LYST: variants seen among roughly 807,000 people sequenced by gnomAD.
The protein encoded by LYST is lysosomal trafficking regulator, also known as lysosomal-trafficking regulator.
Under a neutral mutation model 413.6 loss-of-function variants are expected in LYST, and 192 were observed. That is an observed-to-expected ratio of 0.46 (90% confidence interval 0.41 to 0.52). The LOEUF (loss-of-function observed/expected upper bound fraction) is 0.52. Ranked by LOEUF, LYST falls within the 20% of genes least tolerant of loss-of-function variation. The pLI is 0.00. For synonymous variants in LYST, 1,525 were observed against 1,567.3 expected, an observed-to-expected ratio of 0.97 and a Z score of 0.64; for missense variants, 3,815 against 4,499.9, an observed-to-expected ratio of 0.85 and a Z score of 4.35.
At chr1:235,862,186 A>T (rs766489249) in intron 1 of LYST, among the ~76,000 whole-genome samples, 8 of 152,238 alleles carry the variant, frequency 5.3e-5, no homozygotes, top group Admixed American at 1.3e-4. Flanking sequence ...GACATAAGGA[A>T]GTCCCATCTG....
At chr1:235,817,342 C>T (rs1674266057) in intron 3 of LYST, among the ~76,000 whole-genome samples, 1 of 152,170 alleles carries the variant, frequency 6.6e-6, no homozygotes, top group African/African-American at 2.4e-5. Flanking sequence ...TAAAACAGAA[C>T]TACCATTCAA....
At chr1:235,718,094 C>T (rs1663007900) in intron 40 of LYST, among the ~76,000 whole-genome samples, 1 of 151,704 alleles carries the variant, frequency 6.6e-6, no homozygotes, top group Non-Finnish European at 1.5e-5. Flanking sequence ...AAACTCCTGA[C>T]CTCAGGTGAT....
chr1:235,808,914 GC>G lies in LYST; in HGVS notation c.1903del (p.Ala635GlnfsTer13). On this transcript the variant is annotated frameshift_variant, in exon 5 of 53. Coordinates refer to ENST00000389793, the MANE Select transcript of LYST (RefSeq NM_000081.4). LOFTEE classifies it high-confidence loss of function. Reference sequence around the variant, plus strand: ...GTCAACAGTACAAATATTACAAGCTGCTTTTTTAATTTTTGGTGATATCTCT... The same window carrying G: ...GTCAACAGTACAAATATTACAAGCTGTTTTTTAATTTTTGGTGATATCTCT... ...GAEISPKIKK[A>X]ACNICTVDSD... 1 of 1,612,348 alleles carries G rather than the reference GC, an allele frequency of 6.2e-7. No individual in the cohort carries two copies. Among genetic ancestry groups the G allele is most frequent in the Non-Finnish European group, 8.5e-7 (1 of 1,179,008 alleles).
chr1:235,666,056 T>C (rs1658426193), intron 50 of LYST, among the ~76,000 whole-genome samples: 1 of 152,202 alleles, frequency 6.6e-6, no homozygotes, highest in Non-Finnish European at 1.5e-5. Flanking sequence ...TCATATTTTA[T>C]AGCAAAGAAA....
chr1:235,882,077 T>TACACACACACACACACACACACAC (rs1558377526), intron 1 of LYST, among the ~76,000 whole-genome samples: 10 of 102,000 alleles, frequency 9.8e-5, no homozygotes, highest in African/African-American at 4.1e-4. Context: ...CACTCTTTCT[T>TACACACACACACACACACACACAC]TCACACACAC....
chr1:235,667,314 C>T (rs988846904), intron 50 of LYST, among the ~76,000 whole-genome samples: 13 of 152,304 alleles, frequency 8.5e-5, no homozygotes, highest in Admixed American at 2.0e-4. Flanking sequence ...GATGTCTCAC[C>T]TTAGTTCAAA....
chr1:235,798,528 A>G (rs1487163716), intron 10 of LYST, among the ~76,000 whole-genome samples: 4 of 135,458 alleles, frequency 3.0e-5, no homozygotes, highest in East Asian at 4.9e-4. Context: ...CAGTGAGCTG[A>G]GATCGCACCA....
At position 235,664,424 on chromosome 1, in the gene LYST, TATGA is replaced by T. The variant is rs778511813; in HGVS notation, c.11195+37_11195+40del. ...TTAATTTCTGAAACTCCTGTGTCCT[TATGA>T]ATGAAATCAAAAAAAGAGAATCCAA... On this transcript the variant is annotated intron_variant, in intron 51 of 52. Transcript: ENST00000389793. This position sits in a 1 kb window ranked among gnomAD's most constrained non-coding sequence, Gnocchi z 4.5. 4 of 1,587,622 alleles carry T rather than the reference TATGA, an allele frequency of 2.5e-6. No homozygotes were observed. The East Asian group carries it at 8.9e-5, about 35-fold the overall frequency.
intron 16 of LYST, among the ~76,000 whole-genome samples, chr1:235,778,397 C>G (rs763767750): frequency 6.6e-6 from 1 of 151,760 alleles, no homozygotes; most frequent in Admixed American, 6.6e-5. Flanking sequence ...TTTTCCGAGA[C>G]GGAGTCTTGC....
At chr1:235,805,615 T>C (rs1195153170) in intron 6 of LYST, 128 bp downstream of exon 6, 4 of 314,964 alleles carry the variant, frequency 1.3e-5, no homozygotes, top group Non-Finnish European at 1.6e-5. Flanking sequence ...TTATATGTTA[T>C]ATATAACACA....
chr1:235,802,795 C>T (rs1672391861), intron 8 of LYST, 113 bp downstream of exon 8: 3 of 930,660 alleles, frequency 3.2e-6, no homozygotes, highest in Admixed American at 2.0e-5. Flanking sequence ...ATGCAACACA[C>T]TTGTTAAACT....
Position 235,759,091 on chromosome 1 carries a change from G to A in LYST, c.6762C>T (p.Asn2254=), listed in dbSNP as rs369763211. The A allele has an allele frequency of 9.9e-6, 16 of 1,614,060 alleles. No individual in the cohort carries two copies. Among genetic ancestry groups the A allele is most frequent in the African/African-American group, 4.0e-5 (3 of 74,936 alleles). ...GCCAACGGCCAACAGCTGCAGATCC[G>A]TTCTGTGAAGGAAAAGCTAGCCCAA... is the stretch of plus-strand genomic sequence containing the variant. ...ASLGLAFPSQ[N]GSAAVGRWPS... The change falls in exon 23 of 53, where the codon AAC becomes AAT. Residue 2254 remains asparagine, a synonymous_variant. Coordinates refer to ENST00000389793, the MANE Select transcript of LYST (RefSeq NM_000081.4).
chr1:235,676,983 T>C, intron 50 of LYST, 108 bp downstream of exon 50: 1 of 792,858 alleles, frequency 1.3e-6, no homozygotes, highest in Non-Finnish European at 2.3e-6. Flanking sequence ...CCAAAGTATT[T>C]AGATCTGGCA....
chr1:235,745,557 C>G (rs572121176), intron 29 of LYST, among the ~76,000 whole-genome samples: 39 of 152,288 alleles, frequency 2.6e-4, no homozygotes, highest in Non-Finnish European at 5.0e-4. Flanking sequence ...GACCCAGTAA[C>G]TGCACTCCTG....
rs1558261064 is a variant in LYST, at chr1:235,798,576, C to CTTAAAAAAAAA, written c.4006+1743_4006+1744insTTTTTTTTTAA. Among the ~76,000 whole-genome samples the CTTAAAAAAAAA allele has an allele frequency of 1.6e-4, 4 of 24,528 alleles. 1 individual carries two copies. Among genetic ancestry groups the CTTAAAAAAAAA allele is most frequent in the African/African-American group, 5.5e-4 (4 of 7,312 alleles). The allele number at this position is 24,528 out of a possible 152,430, so 16.1% of individuals were successfully genotyped here. The stretch of plus-strand genomic sequence containing the variant: ...CTTGGCGACAAGGGCAAAACCCTGT[C>CTTAAAAAAAAA]ATAAAAAAAAAAAAAAAAAAAAAAA... On this transcript the variant is annotated intron_variant, in intron 10 of 52. Coordinates refer to ENST00000389793, the MANE Select transcript of LYST (RefSeq NM_000081.4).
chr1:235,836,288 A>G (rs1267504222), intron 1 of LYST, among the ~76,000 whole-genome samples: 2 of 152,222 alleles, frequency 1.3e-5, no homozygotes, highest in Non-Finnish European at 2.9e-5. Context: ...CTGAGTTTAG[A>G]GCAGAATCAA....
chr1:235,858,481 T>G (rs1679467875), intron 1 of LYST, among the ~76,000 whole-genome samples: 1 of 152,210 alleles, frequency 6.6e-6, no homozygotes, highest in Non-Finnish European at 1.5e-5. Context: ...CTGAAACTGC[T>G]AACTCCAGAA....
Position 235,734,524 on chromosome 1 carries a change from T to G in LYST, c.8494A>C (p.Ser2832Arg). Reference protein sequence around the residue: ...KLCGHKCIPPSASTKADLIKM... With the variant: ...KLCGHKCIPPRASTKADLIKM... Reference sequence around the variant, plus strand: ...ATAAGGTCTGCTTTTGTTGATGCACTGGGAGGGATGCACTTGTGACCACAT... The same window carrying G: ...ATAAGGTCTGCTTTTGTTGATGCACGGGGAGGGATGCACTTGTGACCACAT... The change falls in exon 32 of 53, where the codon AGT becomes CGT. Residue 2832 changes from serine to arginine, a missense_variant. Ser to Arg is a moderately radical substitution (Grantham distance 110). This residue lies in a region of LYST where 771 missense variants were observed against 837.1 expected (regional missense o/e 0.92). Transcript: ENST00000389793. 6.2e-7 allele frequency: 1 copy of G among 1,613,814 alleles called. No homozygotes were observed. Among genetic ancestry groups the G allele is most frequent in the Non-Finnish European group, 8.5e-7 (1 of 1,179,716 alleles).
At chr1:235,839,118 C>T (rs929224342) in intron 1 of LYST, among the ~76,000 whole-genome samples, 1 of 152,112 alleles carries the variant, frequency 6.6e-6, no homozygotes, top group African/African-American at 2.4e-5. Context: ...AGCCACTGCA[C>T]CTGGCCTCAT....
Sources: gnomAD v4.1 joint callset for allele counts (sites outside exome capture counted in the v4.1 genomes callset) on GRCh38, gnomAD v4.1.1 for gene constraint, gnomAD v4.1.1 regional missense constraint, Gnocchi (gnomAD v3.1) non-coding constraint, MANE v1.5 for transcripts, NCBI Gene and HGNC (gene_info 2026-07-23, HGNC 2026-07-21) for gene names.